Variants in FBXL13 observed in about 807,000 individuals in gnomAD.
The protein encoded by FBXL13 is F-box and leucine-rich repeat protein 13.
A neutral mutation model predicts 83.6 loss-of-function variants in FBXL13; 67 were observed. The observed-to-expected ratio is 0.80, with a 90% CI of 0.66 to 0.98. FBXL13 has a LOEUF of 0.98. Among genes scored for constraint, FBXL13 ranks in the 50% least tolerant of loss-of-function variants. The pLI is 0.00. For missense variants in FBXL13, 822 were observed against 866.5 expected (o/e 0.95, Z 0.64); for synonymous variants, 272 against 299.5 (o/e 0.91, Z 0.95).
Position 102,877,448 on chromosome 7 carries a change from C to A in FBXL13, c.1635+19G>T. ...ATAGAAAACAATAAAAGTCATTGTA[C>A]TGTTTTGAATTTTTTTACCTCATTA... On this transcript the variant is annotated intron_variant, in intron 16 of 19. Transcript: ENST00000313221. The A allele has an allele frequency of 6.4e-7, 1 of 1,552,432 alleles. No individual in the cohort carries two copies. Among genetic ancestry groups the A allele is most frequent in the African/African-American group, 1.4e-5 (1 of 72,122 alleles).
intron 17 of FBXL13, among the ~76,000 whole-genome samples, chr7:102,841,332 G>A (rs1402769575): frequency 2.6e-5 from 4 of 151,838 alleles, no homozygotes; most frequent in African/African-American, 9.7e-5. Context: ...AGTGGGAGAG[G>A]GCTCCTACGG....
At chr7:102,847,609 C>T (rs1462678407) in intron 17 of FBXL13, among the ~76,000 whole-genome samples, 1 of 151,252 alleles carries the variant, frequency 6.6e-6, no homozygotes, top group African/African-American at 2.4e-5. Context: ...TCACTGCAAC[C>T]TCTGCCTCCT....
In FBXL13 at chr7:103,025,059, A is replaced by C. The variant is rs1344313791; in HGVS notation, c.495+4T>G. The C allele has an allele frequency of 6.2e-7, 1 of 1,604,912 alleles. No homozygotes were observed. Among genetic ancestry groups the C allele is most frequent in the Non-Finnish European group, 8.5e-7 (1 of 1,175,188 alleles). ...TATATAATGTATACTGAATTCATAC[A>C]AACCTGTAATATTGCTCTTTCAGGT... is the stretch of plus-strand genomic sequence containing the variant. On this transcript the variant is annotated splice_donor_region_variant and intron_variant, in intron 6 of 19. Coordinates refer to ENST00000313221, the Ensembl canonical transcript of FBXL13.
At chr7:103,017,906 T>A (rs1792577024) in intron 6 of FBXL13, among the ~76,000 whole-genome samples, 1 of 152,168 alleles carries the variant, frequency 6.6e-6, no homozygotes, top group African/African-American at 2.4e-5. Context: ...CTCTTTGGGA[T>A]ATTATCCAGG....
At chr7:103,017,026 C>T (rs1191578872) in intron 6 of FBXL13, among the ~76,000 whole-genome samples, 4 of 152,342 alleles carry the variant, frequency 2.6e-5, no homozygotes, top group Non-Finnish European at 4.4e-5. Flanking sequence ...CAGACTGCCT[C>T]GTCAAGTGGG....
At chr7:103,039,786 T>C (rs533233664) in intron 2 of FBXL13, among the ~76,000 whole-genome samples, 1 of 152,208 alleles carries the variant, frequency 6.6e-6, no homozygotes, top group South Asian at 2.1e-4. Flanking sequence ...TGAGAGATTT[T>C]GTCACCACCA....
At chr7:102,975,684 C>G (rs1298158565) in intron 6 of FBXL13, among the ~76,000 whole-genome samples, 1 of 152,210 alleles carries the variant, frequency 6.6e-6, no homozygotes, top group Non-Finnish European at 1.5e-5. Context: ...TAGACCTAGC[C>G]AGTCCAGAAG....
chr7:102,988,029 C>T (rs949331341), intron 6 of FBXL13: 1 of 152,054 alleles, frequency 6.6e-6, no homozygotes, highest in Non-Finnish European at 1.5e-5. Flanking sequence ...TTGAAATCAC[C>T]CAGGGAGTGA....
intron 6 of FBXL13, among the ~76,000 whole-genome samples, chr7:103,010,084 C>T (rs552471862): frequency 3.1e-4 from 47 of 151,910 alleles, no homozygotes; most frequent in Non-Finnish European, 4.3e-4. Flanking sequence ...TACTGGTAAC[C>T]GGGTGCCAGA....
Position 102,878,273 on chromosome 7 carries a change from C to T in FBXL13, c.1508+58G>A, listed in dbSNP as rs1026276726. The T allele has an allele frequency of 3.6e-5, 52 of 1,439,854 alleles. No homozygotes were observed. The Admixed American group carries it at 1.2e-3, about 32-fold the overall frequency. 89.2% of individuals were successfully genotyped at this position (1,439,854 alleles called of 1,614,324 possible). A position where few individuals can be genotyped will look rare whatever the true frequency, so the allele number is the denominator to read the frequency against. On this transcript the variant is annotated intron_variant, in intron 15 of 19. Coordinates refer to ENST00000313221, the Ensembl canonical transcript of FBXL13. ...ATCTTTGCTTTTAGGTGTCTCATGT[C>T]TCCTATTATCAAATATACAATACTA... is the stretch of plus-strand genomic sequence containing the variant.
intron 11 of FBXL13, among the ~76,000 whole-genome samples, chr7:102,887,035 A>G (rs975994892): frequency 9.2e-5 from 14 of 152,228 alleles, no homozygotes; most frequent in Non-Finnish European, 2.1e-4. Context: ...TATGTTTCTA[A>G]AGCCTGAACA....
At chr7:103,034,129 A>G (rs1794823349) in intron 2 of FBXL13, among the ~76,000 whole-genome samples, 1 of 152,176 alleles carries the variant, frequency 6.6e-6, no homozygotes, top group Non-Finnish European at 1.5e-5. Context: ...CCTTAGCTAG[A>G]CATAAAGGTT....
At chr7:102,934,355 G>A (rs761035740) in intron 8 of FBXL13, 21 of 1,614,036 alleles carry the variant, frequency 1.3e-5, no homozygotes, top group Non-Finnish European at 1.7e-5. Context: ...GACGGAGGAA[G>A]TGTTCATTTA....
chr7:103,053,053 A>T (rs1206934007), intron 2 of FBXL13, among the ~76,000 whole-genome samples: 1 of 152,030 alleles, frequency 6.6e-6, no homozygotes. Context: ...CACTGCGCCC[A>T]GCCGACAATT....
intron 11 of FBXL13, among the ~76,000 whole-genome samples, chr7:102,903,950 T>TTATTTA (rs1439159539): frequency 4.2e-5 from 6 of 143,466 alleles, no homozygotes; most frequent in South Asian, 2.2e-4. Context: ...TTTTTTTTTT[T>TTATTTA]TTTTTTTTTT....
chr7:102,941,526 A>T (rs1465594978), intron 8 of FBXL13, among the ~76,000 whole-genome samples: 4 of 152,138 alleles, frequency 2.6e-5, no homozygotes, highest in Admixed American at 6.6e-5. Context: ...GCTCTGCATG[A>T]ATTACTCTTT....
At chr7:103,034,445 G>A (rs555505753) in intron 2 of FBXL13, among the ~76,000 whole-genome samples, 1 of 152,328 alleles carries the variant, frequency 6.6e-6, no homozygotes, top group South Asian at 2.1e-4. Flanking sequence ...GCTGGCCCAG[G>A]TGCTAAGCCC....
At chr7:102,839,894 G>A (rs1802625840) in intron 17 of FBXL13, among the ~76,000 whole-genome samples, 1 of 151,858 alleles carries the variant, frequency 6.6e-6, no homozygotes, top group African/African-American at 2.4e-5. Context: ...GACATTTCTA[G>A]AACTTTCAAT....
chr7:102,865,343 T>C (rs1244656922), intron 16 of FBXL13, among the ~76,000 whole-genome samples: 1 of 152,244 alleles, frequency 6.6e-6, no homozygotes, highest in Non-Finnish European at 1.5e-5. Flanking sequence ...CTTGGAAATA[T>C]TTATTATCTC....
Sources: allele counts gnomAD v4.1 joint callset (sites outside exome capture counted in the v4.1 genomes callset), GRCh38; gene constraint gnomAD v4.1.1; transcripts MANE v1.5; gene names NCBI Gene and HGNC (gene_info 2026-07-23, HGNC 2026-07-21).